DSCAM: variants seen among roughly 807,000 people sequenced by gnomAD.
The protein encoded by DSCAM is DS cell adhesion molecule.
In DSCAM, 47 loss-of-function variants were observed where a neutral mutation model predicts 217.7. The observed-to-expected ratio is 0.22, with a 90% confidence interval of 0.17 to 0.28. The LOEUF is 0.28. Among genes scored for constraint, DSCAM ranks in the 10% least tolerant of loss-of-function variants. The probability of loss-of-function intolerance (pLI) is 1.00; values close to 1 mark genes in which losing one functional copy is unlikely to be tolerated. For synonymous variants in DSCAM, 1,056 were observed against 1,015.3 expected (o/e 1.04, Z -0.76); for missense variants, 2,080 against 2,618.3 (o/e 0.79, Z 4.49).
intron 11 of DSCAM, among the ~76,000 whole-genome samples, chr21:40,192,359 G>A (rs1303663658): frequency 6.6e-6 from 1 of 152,170 alleles, no homozygotes; most frequent in Non-Finnish European, 1.5e-5. Context: ...AATCATAGGG[G>A]TGGTTACCTC....
At chr21:40,723,367 G>A (rs181763232) in intron 1 of DSCAM, among the ~76,000 whole-genome samples, 2 of 152,216 alleles carry the variant, frequency 1.3e-5, no homozygotes, top group Non-Finnish European at 2.9e-5. Context: ...CTCATTCATT[G>A]AATGTCAGCT....
intron 21 of DSCAM, among the ~76,000 whole-genome samples, chr21:40,092,641 T>A (rs1394451480): frequency 6.6e-6 from 1 of 152,174 alleles, no homozygotes; most frequent in African/African-American, 2.4e-5. Context: ...ATCCTATGTG[T>A]TTTGTTGCAG....
chr21:40,790,030 C>T (rs2091626621), intron 1 of DSCAM, among the ~76,000 whole-genome samples: 1 of 152,118 alleles, frequency 6.6e-6, no homozygotes, highest in South Asian at 2.1e-4. Flanking sequence ...CTAACTAGGG[C>T]TGAGTCTTCT....
intron 3 of DSCAM, among the ~76,000 whole-genome samples, chr21:40,441,908 C>G (rs1453359028): frequency 6.6e-6 from 1 of 152,194 alleles, no homozygotes; most frequent in Non-Finnish European, 1.5e-5. Context: ...TATTCTTCCA[C>G]TGCTCTTTTT....
At chr21:40,585,361 AG>A in intron 3 of DSCAM, among the ~76,000 whole-genome samples, 1 of 51,848 alleles carries the variant, frequency 1.9e-5, no homozygotes, top group South Asian at 6.1e-4. Context: ...CGGAGCTTGC[AG>A]TGAGCCGAGA....
chr21:40,451,167 C>T lies in DSCAM; in HGVS notation c.509-81922G>A, dbSNP rs115729322. On this transcript the variant is annotated intron_variant, in intron 3 of 32. Transcript: ENST00000400454. Reference sequence around the variant, plus strand: ...GGCTCTGCCCCACTGGAATTTGGATCGCCTGTTGATGGCTGAGGTTAAGTT... The same window carrying T: ...GGCTCTGCCCCACTGGAATTTGGATTGCCTGTTGATGGCTGAGGTTAAGTT... Among the ~76,000 whole-genome samples the T allele has an allele frequency of 3.9e-5, 6 of 152,258 alleles. No homozygotes were observed. The South Asian group carries it at 6.2e-4, about 16-fold the overall frequency.
chr21:40,473,110 A>G (rs1199731619), intron 3 of DSCAM, among the ~76,000 whole-genome samples: 1 of 152,202 alleles, frequency 6.6e-6, no homozygotes. Flanking sequence ...AGACCTTCCT[A>G]AAAAGCAGCC....
intron 1 of DSCAM, among the ~76,000 whole-genome samples, chr21:40,755,132 G>C (rs1027713734): frequency 6.6e-6 from 1 of 152,078 alleles, no homozygotes; most frequent in Non-Finnish European, 1.5e-5. Context: ...GGAGAGATTT[G>C]GGGGATAAGG....
intron 11 of DSCAM, among the ~76,000 whole-genome samples, chr21:40,268,988 C>T (rs1306264185): frequency 7.9e-5 from 12 of 152,186 alleles, no homozygotes; most frequent in Non-Finnish European, 1.0e-4. Context: ...AAAGCATGCA[C>T]TGCAAATCCC....
intron 3 of DSCAM, among the ~76,000 whole-genome samples, chr21:40,605,487 T>G (rs1001735976): frequency 1.3e-5 from 2 of 152,188 alleles, no homozygotes; most frequent in Non-Finnish European, 2.9e-5. Flanking sequence ...AAATGATAAA[T>G]ATTTTTGGCT....
chr21:40,738,805 T>C (rs1255223670), intron 1 of DSCAM, among the ~76,000 whole-genome samples: 1 of 152,178 alleles, frequency 6.6e-6, no homozygotes, highest in African/African-American at 2.4e-5. Context: ...TAGCAGAGAA[T>C]GCAGAGAAAC....
At chr21:40,756,987 G>A (rs1488332328) in intron 1 of DSCAM, among the ~76,000 whole-genome samples, 2 of 151,908 alleles carry the variant, frequency 1.3e-5, no homozygotes, top group Non-Finnish European at 2.9e-5. Flanking sequence ...GTGTGTGTGT[G>A]TGTGTGTGTG....
intron 1 of DSCAM, among the ~76,000 whole-genome samples, chr21:40,709,924 C>T (rs1237444445): frequency 6.6e-6 from 1 of 152,192 alleles, no homozygotes; most frequent in Non-Finnish European, 1.5e-5. Flanking sequence ...CACTGTCTTC[C>T]ACAATGGTTG....
At chr21:40,049,667 T>C (rs2088897074) in intron 30 of DSCAM, among the ~76,000 whole-genome samples, 1 of 152,200 alleles carries the variant, frequency 6.6e-6, no homozygotes, top group African/African-American at 2.4e-5. Context: ...ATAAATACTT[T>C]TGAGTGCTGA....
At chr21:40,139,517 T>C (rs530656550) in intron 18 of DSCAM, among the ~76,000 whole-genome samples, 1 of 152,176 alleles carries the variant, frequency 6.6e-6, no homozygotes, top group South Asian at 2.1e-4. Context: ...CCATCAAATA[T>C]GCATCTATCT....
At chr21:40,443,357 C>T (rs185040251) in intron 3 of DSCAM, among the ~76,000 whole-genome samples, 111 of 152,214 alleles carry the variant, frequency 7.3e-4, no homozygotes, top group African/African-American at 2.2e-3. Context: ...TTCTTTATTT[C>T]GGTAGTATTT....
At chr21:40,154,165 T>TTC (rs2090452302) in intron 16 of DSCAM, among the ~76,000 whole-genome samples, 1 of 151,864 alleles carries the variant, frequency 6.6e-6, no homozygotes, top group Non-Finnish European at 1.5e-5. Flanking sequence ...CTCTCCTTTC[T>TTC]TTCCTCTCCT....
At chr21:40,242,204 G>C (rs1391249580) in intron 11 of DSCAM, among the ~76,000 whole-genome samples, 2 of 151,810 alleles carry the variant, frequency 1.3e-5, no homozygotes, top group Non-Finnish European at 2.9e-5. Flanking sequence ...GACTCCTGAA[G>C]GAATGAATGA....
intron 32 of DSCAM, among the ~76,000 whole-genome samples, chr21:40,037,397 G>C (rs201806600): frequency 0.2 from 29,297 of 145,642 alleles, 3,347 homozygotes; most frequent in South Asian, 0.34. Flanking sequence ...GCCAAATCAT[G>C]AGTGAACTCC....
Sources: allele counts gnomAD v4.1 joint callset (sites outside exome capture counted in the v4.1 genomes callset), GRCh38; gene constraint gnomAD v4.1.1; transcripts MANE v1.5; gene names NCBI Gene and HGNC (gene_info 2026-07-23, HGNC 2026-07-21).